Variants in GRIK1 observed in about 807,000 individuals in gnomAD.
GRIK1 encodes the protein glutamate ionotropic receptor kainate type subunit 1.
A neutral mutation model predicts 105.7 loss-of-function variants in GRIK1; 69 were observed. That is an observed-to-expected ratio of 0.65 (90% confidence interval 0.54 to 0.80). GRIK1 has a LOEUF of 0.80. Among genes scored for constraint, GRIK1 ranks in the 30% least tolerant of loss-of-function variants. GRIK1 has a pLI of 0.00. For synonymous variants in GRIK1, 438 were observed against 431.3 expected (o/e 1.02, Z -0.19); for missense variants, 1,109 against 1,167.3 (o/e 0.95, Z 0.73).
Position 29,581,785 on chromosome 21 carries a change from C to T in GRIK1, c.1794-242G>A, listed in dbSNP as rs576718066. On this transcript the variant is annotated intron_variant, in intron 12 of 17. Transcript: ENST00000327783. ...AAATTGGTCAGCTGGAATTGTACTC[C>T]TCAGCTCTATGTCTACTGAATTCTT... is the stretch of plus-strand genomic sequence containing the variant. 9.2e-5 allele frequency among the ~76,000 whole-genome samples: 14 copies of T among 152,268 alleles called. No homozygotes were observed. The South Asian group carries it at 2.9e-3, about 32-fold the overall frequency.
At chr21:29,684,933 ATCTG>A (rs2063460566) in intron 3 of GRIK1, among the ~76,000 whole-genome samples, 1 of 152,038 alleles carries the variant, frequency 6.6e-6, no homozygotes, top group African/African-American at 2.4e-5. Flanking sequence ...TCTACCTATC[ATCTG>A]TCTATTAATA....
At chr21:29,662,206 C>A (rs2062978957) in intron 4 of GRIK1, among the ~76,000 whole-genome samples, 1 of 152,142 alleles carries the variant, frequency 6.6e-6, no homozygotes, top group African/African-American at 2.4e-5. Context: ...GGAAGATGAT[C>A]CTACTAGAAG....
Position 29,651,305 on chromosome 21 carries a change from A to C in GRIK1, c.781-14T>G. On this transcript the variant is annotated splice_polypyrimidine_tract_variant and intron_variant, in intron 5 of 17. Coordinates refer to ENST00000327783, the MANE Select transcript of GRIK1 (RefSeq NM_001330994.2). ...AGCAAATAAGTCCTGCATAGTATCA[A>C]AAAGGATAACAGTGGAAAATAATTA... 1.3e-6 allele frequency: 2 copies of C among 1,567,232 alleles called. No individual in the cohort carries two copies. Among genetic ancestry groups the C allele is most frequent in the Non-Finnish European group, 1.7e-6 (2 of 1,147,152 alleles).
chr21:29,790,404 A>G (rs1232324005), intron 1 of GRIK1, among the ~76,000 whole-genome samples: 1 of 152,006 alleles, frequency 6.6e-6, no homozygotes, highest in Non-Finnish European at 1.5e-5. Flanking sequence ...CCAATAAATG[A>G]TACAGGTTAA....
At chr21:29,741,919 C>A (rs1370259563) in intron 1 of GRIK1, among the ~76,000 whole-genome samples, 1 of 152,128 alleles carries the variant, frequency 6.6e-6, no homozygotes, top group Non-Finnish European at 1.5e-5. Flanking sequence ...ACTTGCCAGG[C>A]CTTTGCTGAG....
At chr21:29,898,511 A>G (rs559098562) in intron 1 of GRIK1, among the ~76,000 whole-genome samples, 1 of 152,222 alleles carries the variant, frequency 6.6e-6, no homozygotes. Context: ...TGAGAGGACA[A>G]TCTAGTTACC....
At chr21:29,639,482 G>A (rs995154568) in intron 7 of GRIK1, among the ~76,000 whole-genome samples, 2 of 152,142 alleles carry the variant, frequency 1.3e-5, no homozygotes, top group Admixed American at 1.3e-4. Flanking sequence ...GCACGGCATT[G>A]CAATCAGAGT....
chr21:29,589,373 T>G (rs1160114961), intron 10 of GRIK1, among the ~76,000 whole-genome samples: 4 of 151,126 alleles, frequency 2.6e-5, no homozygotes, highest in Non-Finnish European at 4.4e-5. Flanking sequence ...CCCACATGCC[T>G]GGCCACCTGC....
chr21:29,596,326 G>T, intron 9 of GRIK1, 200 bp downstream of exon 9: 1 of 698,848 alleles, frequency 1.4e-6, no homozygotes. Context: ...TTAATCCACT[G>T]CAAACCTGTT....
intron 11 of GRIK1, among the ~76,000 whole-genome samples, chr21:29,588,165 G>A (rs547228228): frequency 5.9e-5 from 9 of 151,314 alleles, no homozygotes; most frequent in South Asian, 4.2e-4. Context: ...TAGTAGAGGC[G>A]GGGTTTCACT....
chr21:29,659,356 C>G (rs2062916743), intron 4 of GRIK1, among the ~76,000 whole-genome samples: 1 of 152,122 alleles, frequency 6.6e-6, no homozygotes, highest in Non-Finnish European at 1.5e-5. Context: ...CAGTTTTCCC[C>G]CCCTACCTCT....
At chr21:29,897,244 C>A (rs2146245414) in intron 1 of GRIK1, among the ~76,000 whole-genome samples, 1 of 152,232 alleles carries the variant, frequency 6.6e-6, no homozygotes, top group East Asian at 1.9e-4. Context: ...AGTTCGGTGG[C>A]AGGTGGTACC....
chr21:29,798,079 A>G (rs991165747), intron 1 of GRIK1, among the ~76,000 whole-genome samples: 4 of 152,238 alleles, frequency 2.6e-5, no homozygotes, highest in African/African-American at 9.6e-5. Context: ...CATCTACTCA[A>G]CATGATGAGT....
At chr21:29,871,179 A>C (rs2068996185) in intron 1 of GRIK1, among the ~76,000 whole-genome samples, 1 of 152,182 alleles carries the variant, frequency 6.6e-6, no homozygotes, top group Non-Finnish European at 1.5e-5. Context: ...ACAAGCTTCC[A>C]GAGGGCAGGG....
chr21:29,807,454 C>G (rs912134197), intron 1 of GRIK1, among the ~76,000 whole-genome samples: 5 of 152,056 alleles, frequency 3.3e-5, no homozygotes, highest in African/African-American at 1.2e-4. Flanking sequence ...CATTCTTCCT[C>G]TTACAGATGT....
chr21:29,721,614 TA>T (rs1208252988), intron 1 of GRIK1, among the ~76,000 whole-genome samples: 4 of 137,034 alleles, frequency 2.9e-5, no homozygotes, highest in African/African-American at 1.1e-4. Flanking sequence ...AAAAAAAAAA[TA>T]AAGGAAGAAG....
intron 1 of GRIK1, among the ~76,000 whole-genome samples, chr21:29,856,564 A>G (rs2068470689): frequency 6.6e-6 from 1 of 152,140 alleles, no homozygotes; most frequent in Non-Finnish European, 1.5e-5. Flanking sequence ...TCTATTCTGA[A>G]ATATTTGCTT....
intron 16 of GRIK1, among the ~76,000 whole-genome samples, chr21:29,543,615 ATCC>A (rs2090005136): frequency 1.3e-5 from 2 of 152,176 alleles, no homozygotes; most frequent in Admixed American, 1.3e-4. Context: ...AAAAAAGTGA[ATCC>A]TAGAGGTTGA....
chr21:29,692,874 T>C (rs35228055), intron 2 of GRIK1, among the ~76,000 whole-genome samples: 81,011 of 152,182 alleles, frequency 0.53, 25,403 homozygotes, highest in Non-Finnish European at 0.7. Flanking sequence ...CGCCCTGCTA[T>C]GTTGTTAATT....
Sources: gnomAD v4.1 joint callset for allele counts (sites outside exome capture counted in the v4.1 genomes callset) on GRCh38, gnomAD v4.1.1 for gene constraint, MANE v1.5 for transcripts, NCBI Gene and HGNC (gene_info 2026-07-23, HGNC 2026-07-21) for gene names.